The following ADCY5 variants were observed in gnomAD, a reference collection of about 807,000 sequenced individuals.
ADCY5 encodes the protein adenylate cyclase 5, also known as adenylate cyclase type 5.
ADCY5 carries 30 observed loss-of-function variants against 119.7 expected under a neutral mutation model. The ratio of observed to expected loss-of-function variants is 0.25; its 90% confidence interval spans 0.19 to 0.34. The LOEUF (loss-of-function observed/expected upper bound fraction) is 0.34. Among genes scored for constraint, ADCY5 ranks in the 10% least tolerant of loss-of-function variants. The pLI is 1.00. For synonymous variants in ADCY5, 753 were observed against 762.2 expected, an observed-to-expected ratio of 0.99 and a Z score of 0.20; for missense variants, 1,324 against 1,775.2, an observed-to-expected ratio of 0.75 and a Z score of 4.57.
At chr3:123,375,104 C>G (rs956792430) in intron 1 of ADCY5, among the ~76,000 whole-genome samples, 2 of 152,224 alleles carry the variant, frequency 1.3e-5, no homozygotes, top group African/African-American at 4.8e-5. Context: ...CCTGGTGACA[C>G]CTCCACCCCT....
chr3:123,343,824 T>C lies in ADCY5; in HGVS notation c.1406+3958A>G, dbSNP rs1014997838. ...CAAGCCACTGGTGGACATCCCAGCATGGGCCCTGGCTCCAGCTGACCCCCC... is the reference window on the plus strand; with the variant it reads ...CAAGCCACTGGTGGACATCCCAGCACGGGCCCTGGCTCCAGCTGACCCCCC... On this transcript the variant is annotated intron_variant, in intron 3 of 20. Coordinates refer to ENST00000462833, the MANE Select transcript of ADCY5 (RefSeq NM_183357.3). 1.4e-4 allele frequency among the ~76,000 whole-genome samples: 21 copies of C among 152,250 alleles called. 1 individual carries two copies. The highest frequency in any genetic ancestry group is 5.1e-4 in the African/African-American group (21 of 41,542).
chr3:123,420,832 G>A (rs748865715), intron 1 of ADCY5, among the ~76,000 whole-genome samples: 4 of 152,158 alleles, frequency 2.6e-5, no homozygotes, highest in African/African-American at 7.2e-5. Context: ...AAATCAAAAC[G>A]TTGGCAGAGT....
intron 1 of ADCY5, among the ~76,000 whole-genome samples, chr3:123,363,178 A>C (rs1196291856): frequency 6.6e-6 from 1 of 151,870 alleles, no homozygotes; most frequent in Non-Finnish European, 1.5e-5. Flanking sequence ...TGAAGAACAA[A>C]AAAAAAAATG....
rs1385804209 is a variant in ADCY5 at position 123,300,274 on chromosome 3, G to A, written c.2746C>T (p.Leu916Phe). 6.2e-7 allele frequency: 1 copy of A among 1,613,332 alleles called. No homozygotes were observed. Among genetic ancestry groups the A allele is most frequent in the Non-Finnish European group, 8.5e-7 (1 of 1,180,038 alleles). ...AACACGGAGCAGGCCAGCAGGCTGA[G>A]CAGCACGCTGTAGGTGAAGTACTGC... is the stretch of plus-strand genomic sequence containing the variant. The part of the protein sequence containing the change: ...FPEYFTYSVL[L>F]SLLACSVFLQ... Residue 916 changes from leucine (L) to phenylalanine (F), a missense_variant, in exon 15 of 21, where the codon CTC becomes TTC. By Grantham distance (22) the Leu-to-Phe change is conservative (BLOSUM62 0). Transcript: ENST00000462833.
Position 123,325,385 on chromosome 3 carries a change from C to T in ADCY5, c.2025G>A (p.Gly675=). 1 of 1,614,178 alleles carries T rather than the reference C, an allele frequency of 6.2e-7. No individual in the cohort carries two copies. Among genetic ancestry groups the T allele is most frequent in the Non-Finnish European group, 8.5e-7 (1 of 1,180,026 alleles). ...GGTGGTTGTAGAAGGGGCGCTCAGC[C>T]CCCCAGTGTGGTGGGTTGTGCCCGA... ...NSIGHNPPHW[G]AERPFYNHLG... is the part of the protein sequence containing the mutation. The change falls in exon 8 of 21, where the codon GGG becomes GGA. Residue 675 remains glycine, a synonymous_variant. Coordinates refer to ENST00000462833, the MANE Select transcript of ADCY5 (RefSeq NM_183357.3).
At chr3:123,383,008 G>A (rs938158000) in intron 1 of ADCY5, among the ~76,000 whole-genome samples, 3 of 152,072 alleles carry the variant, frequency 2.0e-5, no homozygotes, top group Non-Finnish European at 4.4e-5. Context: ...CTCCTTCCAG[G>A]CCCATATCTC....
At chr3:123,338,902 G>A (rs530166922) in intron 3 of ADCY5, among the ~76,000 whole-genome samples, 1 of 151,982 alleles carries the variant, frequency 6.6e-6, no homozygotes, top group African/African-American at 2.4e-5. Context: ...CCCTGCTCCT[G>A]TGCACATCCT....
chr3:123,323,530 T>A (rs1576573038), intron 8 of ADCY5, among the ~76,000 whole-genome samples: 1 of 151,818 alleles, frequency 6.6e-6, no homozygotes, highest in South Asian at 2.1e-4. Context: ...TGCCTTCCCC[T>A]CCTCCCCATC....
chr3:123,408,341 T>TG (rs1408620931), intron 1 of ADCY5, among the ~76,000 whole-genome samples: 4 of 146,248 alleles, frequency 2.7e-5, no homozygotes, highest in African/African-American at 1.0e-4. Context: ...ATGTTACGTT[T>TG]TTTGTTTTTT....
chr3:123,317,969 G>T, intron 11 of ADCY5, 51 bp downstream of exon 11: 1 of 1,535,214 alleles, frequency 6.5e-7, no homozygotes, highest in Non-Finnish European at 9.0e-7. Flanking sequence ...TCCCACTCCT[G>T]GGATTCCCTG....
chr3:123,324,997 G>GC (rs965541983), intron 8 of ADCY5, among the ~76,000 whole-genome samples: 3 of 152,232 alleles, frequency 2.0e-5, no homozygotes, highest in Non-Finnish European at 4.4e-5. Context: ...CCAAGAGACA[G>GC]CTGGAGGCTG....
chr3:123,344,024 C>T (rs994896756), intron 3 of ADCY5, among the ~76,000 whole-genome samples: 6 of 152,194 alleles, frequency 3.9e-5, no homozygotes, highest in African/African-American at 9.7e-5. Flanking sequence ...TCCCTGGCTG[C>T]GCCCCGGGGT....
Position 123,303,285 on chromosome 3 carries a change from C to A in ADCY5, c.2560-66G>T, listed in dbSNP as rs563212668. 11 of 1,525,568 alleles carry A rather than the reference C, an allele frequency of 7.2e-6. No individual in the cohort carries two copies. In the South Asian group the frequency reaches 1.1e-4, roughly 15 times the overall value. The allele number at this position is 1,525,568 out of a possible 1,614,324, so 94.5% of individuals were successfully genotyped here. A position where few individuals can be genotyped will look rare whatever the true frequency, so the allele number is the denominator to read the frequency against. On this transcript the variant is annotated intron_variant, in intron 13 of 20. Transcript: ENST00000462833. ...CTGGGGGACAGGTAGAGCAGCCCAG[C>A]CCACCAGGCCGCAGGCTCCCGCCTG...
In ADCY5 at chr3:123,297,502, C is replaced by T. The variant is rs555110245; in HGVS notation, c.2901-120G>A. The T allele has an allele frequency of 5.5e-5, 62 of 1,120,196 alleles. 1 individual carries two copies. In the South Asian group the frequency reaches 7.5e-4, roughly 14 times the overall value. The allele number at this position is 1,120,196 out of a possible 1,614,324, so 69.4% of individuals were successfully genotyped here. A position where few individuals can be genotyped will look rare whatever the true frequency, so the allele number is the denominator to read the frequency against. ...CCACCACTGCTGCTCCTTGGCTCCC[C>T]AGCCCCATTCACCCTCCATATCCAA... On this transcript the variant is annotated intron_variant, in intron 15 of 20. Transcript: ENST00000462833.
intron 1 of ADCY5, among the ~76,000 whole-genome samples, chr3:123,426,708 G>C (rs771097304): frequency 2.4e-4 from 36 of 152,286 alleles, no homozygotes; most frequent in Non-Finnish European, 4.9e-4. Flanking sequence ...TACTTTGTCA[G>C]GCAGCCCCTG....
intron 3 of ADCY5, among the ~76,000 whole-genome samples, chr3:123,346,653 G>A (rs199660232): frequency 9.3e-6 from 1 of 107,468 alleles, no homozygotes; most frequent in South Asian, 3.0e-4. Context: ...GTGTGTATGT[G>A]TGTGTGTGTG....
intron 3 of ADCY5, among the ~76,000 whole-genome samples, chr3:123,346,774 G>A (rs1156403092): frequency 6.6e-6 from 1 of 152,120 alleles, no homozygotes; most frequent in South Asian, 2.1e-4. Flanking sequence ...GTGAGTCCTA[G>A]GGAAACTTGC....
intron 1 of ADCY5, among the ~76,000 whole-genome samples, chr3:123,380,530 C>T (rs535311631): frequency 2.5e-4 from 38 of 152,340 alleles, no homozygotes; most frequent in African/African-American, 8.7e-4. Flanking sequence ...GGGCCACCCT[C>T]CTAAAATCAG....
chr3:123,398,825 C>T (rs1944675837), intron 1 of ADCY5, among the ~76,000 whole-genome samples: 1 of 152,212 alleles, frequency 6.6e-6, no homozygotes, highest in Non-Finnish European at 1.5e-5. Flanking sequence ...GTCACTATAA[C>T]TATTTGTACC....
Sources: allele counts gnomAD v4.1 joint callset (sites outside exome capture counted in the v4.1 genomes callset), GRCh38; gene constraint gnomAD v4.1.1; transcripts MANE v1.5; gene names NCBI Gene and HGNC (gene_info 2026-07-23, HGNC 2026-07-21).